The following RIMS2 variants were observed in gnomAD, a reference collection of about 807,000 sequenced individuals.
RIMS2 encodes regulating synaptic membrane exocytosis 2, also known as regulating synaptic membrane exocytosis protein 2.
In RIMS2, 59 loss-of-function variants were observed where a neutral mutation model predicts 174.4. The observed-to-expected ratio is 0.34, with a 90% CI of 0.27 to 0.42. The LOEUF is 0.42. Among genes scored for constraint, RIMS2 ranks in the 10% least tolerant of loss-of-function variants. The probability of loss-of-function intolerance (pLI) is 1.00; values close to 1 mark genes in which losing one functional copy is unlikely to be tolerated. For synonymous variants in RIMS2, 606 were observed against 572.5 expected, an observed-to-expected ratio of 1.06 and a Z score of -0.84; for missense variants, 1,620 against 1,666.3, an observed-to-expected ratio of 0.97 and a Z score of 0.48.
chr8:103,555,406 A>G (rs780943522), intron 1 of RIMS2, among the ~76,000 whole-genome samples: 50 of 152,194 alleles, frequency 3.3e-4, no homozygotes, highest in Non-Finnish European at 6.9e-4. Context: ...ACCCTTACAC[A>G]TGGTTGGTAG....
chr8:104,088,795 G>T (rs1022791166), intron 19 of RIMS2, among the ~76,000 whole-genome samples: 1 of 151,900 alleles, frequency 6.6e-6, no homozygotes, highest in African/African-American at 2.4e-5. Context: ...ACTGATTTTA[G>T]AAATTGTAAT....
downstream of RIMS2, chr8:104,252,324 C>T (rs571723807): frequency 2.4e-4 from 38 of 161,478 alleles, no homozygotes; most frequent in Admixed American, 9.3e-4. Context: ...CTCCTCTGGG[C>T]GGGAATCAGA....
Position 104,089,989 on chromosome 8 carries a change from G to C in RIMS2, c.3334+75374G>C, listed in dbSNP as rs112593941. Among the ~76,000 whole-genome samples, 149 of 151,488 alleles carry C rather than the reference G, an allele frequency of 9.8e-4. 2 individuals are homozygous for C. Among genetic ancestry groups the C allele is most frequent in the African/African-American group, 3.5e-3 (144 of 41,394 alleles). ...CAAAGATGAGGAAGATACTGTGCTG[G>C]CCTTCAGGAGTTTGTAGTCTAATGG... On this transcript the variant is annotated intron_variant, in intron 19 of 23. Coordinates refer to ENST00000504942, the Ensembl canonical transcript of RIMS2.
chr8:103,717,342 A>C (rs540947331), intron 2 of RIMS2, among the ~76,000 whole-genome samples: 22 of 151,138 alleles, frequency 1.5e-4, no homozygotes, highest in Non-Finnish European at 2.1e-4. Flanking sequence ...AATCCTCCCA[A>C]ATTTTAGATG....
chr8:103,530,267 G>A (rs1267377814), intron 1 of RIMS2, among the ~76,000 whole-genome samples: 2 of 152,046 alleles, frequency 1.3e-5, no homozygotes, highest in African/African-American at 2.4e-5. Flanking sequence ...GTAGCATAAT[G>A]TACACCTTCC....
intron 19 of RIMS2, among the ~76,000 whole-genome samples, chr8:104,080,276 T>C (rs2097390217): frequency 6.6e-6 from 1 of 152,098 alleles, no homozygotes; most frequent in Non-Finnish European, 1.5e-5. Context: ...AAAAGACCAC[T>C]ATGAATTAAC....
At chr8:103,804,058 A>G (rs953229607) in intron 3 of RIMS2, among the ~76,000 whole-genome samples, 1 of 152,202 alleles carries the variant, frequency 6.6e-6, no homozygotes, top group African/African-American at 2.4e-5. Flanking sequence ...GCTATTAAAA[A>G]TATGGTTATT....
At chr8:104,221,026 T>C (rs112872720) in intron 19 of RIMS2, among the ~76,000 whole-genome samples, 4 of 152,342 alleles carry the variant, frequency 2.6e-5, no homozygotes, top group African/African-American at 7.2e-5. Context: ...AGTAACTTAA[T>C]CTTTAGGAGA....
intron 3 of RIMS2, among the ~76,000 whole-genome samples, chr8:103,789,013 G>T (rs1425013409): frequency 6.6e-6 from 1 of 152,314 alleles, no homozygotes; most frequent in South Asian, 2.1e-4. Flanking sequence ...CGCAGTATTC[G>T]GGTGGGAGTG....
intron 3 of RIMS2, among the ~76,000 whole-genome samples, chr8:103,772,091 A>C: frequency 6.6e-6 from 1 of 152,046 alleles, no homozygotes; most frequent in East Asian, 1.9e-4. Flanking sequence ...ATTATTTAAA[A>C]ATAAAAATAA....
intron 3 of RIMS2, among the ~76,000 whole-genome samples, chr8:103,870,364 TCACCACCACCACCACCAG>T (rs1420063467): frequency 6.6e-5 from 10 of 150,970 alleles, no homozygotes; most frequent in Non-Finnish European, 1.0e-4. Flanking sequence ...ACCACCACCA[TCACCACCACCACCACCAG>T]CACCACCACC....
chr8:104,223,825 T>C (rs1332045350), intron 19 of RIMS2: 1 of 1,569,910 alleles, frequency 6.4e-7, no homozygotes, highest in East Asian at 2.3e-5. Context: ...AGTTGGTGTC[T>C]CTATCTGTTT....
At chr8:104,118,845 T>G (rs1397137753) in intron 19 of RIMS2, among the ~76,000 whole-genome samples, 2 of 152,160 alleles carry the variant, frequency 1.3e-5, no homozygotes, top group Non-Finnish European at 2.9e-5. Context: ...TCGTTGTGTC[T>G]TCACGTGGCA....
At chr8:104,098,653 C>T (rs1239900326) in intron 19 of RIMS2, among the ~76,000 whole-genome samples, 1 of 152,008 alleles carries the variant, frequency 6.6e-6, no homozygotes, top group Non-Finnish European at 1.5e-5. Context: ...TTTGGGGCAT[C>T]AGTTCAAATT....
chr8:104,046,890 A>G (rs1307693725), intron 19 of RIMS2, among the ~76,000 whole-genome samples: 1 of 151,234 alleles, frequency 6.6e-6, no homozygotes, highest in East Asian at 1.9e-4. Flanking sequence ...GTATATAGGA[A>G]TATTTTATAT....
chr8:104,157,690 T>C (rs2098733066), intron 19 of RIMS2, among the ~76,000 whole-genome samples: 2 of 152,232 alleles, frequency 1.3e-5, no homozygotes. Flanking sequence ...TATGTACATG[T>C]ATACACCACA....
intron 1 of RIMS2, among the ~76,000 whole-genome samples, chr8:103,645,432 A>G (rs2096307804): frequency 6.6e-6 from 1 of 152,146 alleles, no homozygotes; most frequent in Admixed American, 6.6e-5. Context: ...TATATCATTA[A>G]AAAATGAACA....
intron 2 of RIMS2, among the ~76,000 whole-genome samples, chr8:103,753,376 G>A (rs189088294): frequency 2.8e-4 from 42 of 152,288 alleles, no homozygotes; most frequent in African/African-American, 9.4e-4. Context: ...TGTTCATCAA[G>A]GGTATTGGTC....
intron 19 of RIMS2, among the ~76,000 whole-genome samples, chr8:104,062,963 G>A (rs1429160021): frequency 6.6e-6 from 1 of 151,446 alleles, no homozygotes. Context: ...TACTTCTTTA[G>A]CTTCAATTAG....
Sources: allele counts gnomAD v4.1 joint callset (sites outside exome capture counted in the v4.1 genomes callset), GRCh38; gene constraint gnomAD v4.1.1; transcripts MANE v1.5; gene names NCBI Gene and HGNC (gene_info 2026-07-23, HGNC 2026-07-21).